PHKA2: variants seen among roughly 807,000 people sequenced by gnomAD.
PHKA2 encodes phosphorylase b kinase regulatory subunit alpha, liver isoform.
PHKA2 carries 31 observed loss-of-function variants against 102.0 expected under a neutral mutation model. The observed-to-expected ratio is 0.30, with a 90% CI of 0.23 to 0.41. The LOEUF (loss-of-function observed/expected upper bound fraction) is 0.41, where lower values mean the gene tolerates loss of function less well. Among genes scored for constraint, PHKA2 ranks in the 10% least tolerant of loss-of-function variants. The pLI is 1.00. For missense variants in PHKA2, 858 were observed against 1,023.1 expected (o/e 0.84, Z 2.20); for synonymous variants, 455 against 416.2 (o/e 1.09, Z -1.13).
At chrX:18,929,647 G>C (rs751848045) in intron 12 of PHKA2, among the ~76,000 whole-genome samples, 5 of 111,534 alleles carry the variant, frequency 4.5e-5, no homozygotes, top group Non-Finnish European at 9.4e-5. Context: ...TATGCCTCCT[G>C]ACAGGTAGGC....
intron 11 of PHKA2, among the ~76,000 whole-genome samples, chrX:18,932,573 A>C (rs1333599315): frequency 1.8e-5 from 2 of 110,249 alleles, no homozygotes; most frequent in Middle Eastern, 4.2e-3. Flanking sequence ...GTAAAATTTA[A>C]AATTTTTTCA....
intron 5 of PHKA2, among the ~76,000 whole-genome samples, chrX:18,948,521 T>C (rs1476940707): frequency 8.9e-6 from 1 of 111,961 alleles, no homozygotes; most frequent in Non-Finnish European, 1.9e-5. Flanking sequence ...ACAAGCATAA[T>C]GGATTCAGAC....
At chrX:18,970,250 A>G (rs2049002467) in intron 1 of PHKA2, among the ~76,000 whole-genome samples, 1 of 112,142 alleles carries the variant, frequency 8.9e-6, no homozygotes, top group South Asian at 3.7e-4. Context: ...AAAAAAGTAT[A>G]TATTTATCAT....
intron 3 of PHKA2, 47 bp from the exon 4 acceptor site, chrX:18,951,319 G>T (rs377595971): frequency 1.2e-4 from 141 of 1,157,904 alleles, no homozygotes; most frequent in Non-Finnish European, 1.6e-4. Flanking sequence ...GGGGTTCATG[G>T]CTGGCAGAGA....
intron 24 of PHKA2, 44 bp from the exon 25 acceptor site, chrX:18,906,668 A>G (rs1213793318): frequency 1.6e-5 from 19 of 1,183,223 alleles, no homozygotes; most frequent in Non-Finnish European, 2.2e-5. Context: ...AGACAGGGTG[A>G]GTGGCTGAAG....
In PHKA2 at chrX:18,907,028, T is replaced by A. The variant is rs2047831341; in HGVS notation, c.2587A>T (p.Ile863Phe). 8.4e-7 allele frequency: 1 copy of A among 1,195,094 alleles called. No homozygotes were observed. ...VGLPPEPREK[I>F]ISAPLPPEEL... ...AGGCTGAGGACTTACGCAGAGATGA[T>A]CTTCTCCCGGGGCTCGGGCGGCAGG... is the stretch of plus-strand genomic sequence containing the variant. Residue 863 changes from isoleucine to phenylalanine, a missense_variant, in exon 23 of 33, where the codon ATC becomes TTC. By Grantham distance (21) the Ile-to-Phe change is conservative (BLOSUM62 0). Coordinates refer to ENST00000379942, the MANE Select transcript of PHKA2 (RefSeq NM_000292.3).
chrX:18,934,749 G>A (rs2048367000), intron 11 of PHKA2, among the ~76,000 whole-genome samples: 1 of 112,460 alleles, frequency 8.9e-6, no homozygotes, highest in African/African-American at 3.2e-5. Flanking sequence ...AAGTAAAGAA[G>A]TCCACTATAC....
intron 26 of PHKA2, among the ~76,000 whole-genome samples, chrX:18,901,938 G>A (rs1181342711): frequency 9.1e-6 from 1 of 109,984 alleles, no homozygotes; most frequent in African/African-American, 3.3e-5. Context: ...CACTTCCTGG[G>A]TTCAAGACAT....
chrX:18,982,775 A>G (rs1458284828), intron 1 of PHKA2, among the ~76,000 whole-genome samples: 3 of 112,093 alleles, frequency 2.7e-5, no homozygotes, highest in Non-Finnish European at 5.6e-5. Context: ...CAGAGGTTTC[A>G]GTGAGCCGAG....
intron 1 of PHKA2, among the ~76,000 whole-genome samples, chrX:18,975,891 T>C (rs748018101): frequency 9.0e-6 from 1 of 110,589 alleles, no homozygotes; most frequent in East Asian, 2.8e-4. Context: ...CAAACATGAT[T>C]TGAATGATAT....
At chrX:18,919,547 A>G (rs1031873359) in intron 18 of PHKA2, among the ~76,000 whole-genome samples, 21 of 109,575 alleles carry the variant, frequency 1.9e-4, no homozygotes, top group African/African-American at 7.0e-4. Flanking sequence ...TCTATAAAAT[A>G]TAAAAGAATT....
chrX:18,923,630 T>G (rs1173008381), intron 17 of PHKA2, among the ~76,000 whole-genome samples: 1 of 112,356 alleles, frequency 8.9e-6, no homozygotes, highest in East Asian at 2.8e-4. Flanking sequence ...CTAAGGAATT[T>G]GCCAAGTCCT....
At chrX:18,947,456 G>A (rs1456507251) in intron 5 of PHKA2, among the ~76,000 whole-genome samples, 9 of 112,239 alleles carry the variant, frequency 8.0e-5, no homozygotes, top group African/African-American at 2.9e-4. Context: ...CTGGGGCTCT[G>A]CCTGGCTCAA....
rs1322485193 is a variant in PHKA2 at position 18,941,622 on chromosome X, A to G, written c.771T>C (p.Ala257=). ...PRASTSKEID[A]GLLSIISFPA... ...GGAAGGAAATAATGGAAAGAAGTCC[A>G]GCATCAATTTCTTTAGATGTCGACG... Residue 257 remains alanine (A), a synonymous_variant, in exon 8 of 33, where the codon GCT becomes GCC. Coordinates refer to ENST00000379942, the MANE Select transcript of PHKA2 (RefSeq NM_000292.3). The G allele has an allele frequency of 7.7e-6, 9 of 1,166,259 alleles. No homozygotes were observed. The highest frequency in any genetic ancestry group is 8.2e-6 in the Non-Finnish European group (7 of 854,224).
chrX:18,957,890 G>C (rs891820149), intron 1 of PHKA2, among the ~76,000 whole-genome samples: 1 of 108,735 alleles, frequency 9.2e-6, no homozygotes, highest in Non-Finnish European at 1.9e-5. Context: ...ATGGAGTTTC[G>C]CTCTTGTCAC....
At chrX:18,895,852 G>C (rs1176165059) in intron 30 of PHKA2, 1 of 116,609 alleles carries the variant, frequency 8.6e-6, no homozygotes, top group Non-Finnish European at 1.8e-5. Context: ...AGCGTCCCCA[G>C]TGGGCTGAGG....
chrX:18,938,653 C>T lies in PHKA2; in HGVS notation c.1015G>A (p.Gly339Arg). 1 of 1,205,809 alleles carries T rather than the reference C, an allele frequency of 8.3e-7. No individual in the cohort carries two copies. Among genetic ancestry groups the T allele is most frequent in the Non-Finnish European group, 1.1e-6 (1 of 889,831 alleles). ...PVFWTYFIID[G>R]VFSGDAVQVQ... is the part of the protein sequence containing the mutation. ...TGAACAGCATCACCACTGAAGACTC[C>T]ATCTATTATAAAATATGTCCAAAAC... The change falls in exon 10 of 33, where the codon GGA becomes AGA. Residue 339 changes from glycine (G) to arginine (R), a missense_variant. By Grantham distance (125) the Gly-to-Arg change is moderately radical. Transcript: ENST00000379942.
At chrX:18,902,497 C>G (rs1315788304) in intron 26 of PHKA2, among the ~76,000 whole-genome samples, 6 of 108,977 alleles carry the variant, frequency 5.5e-5, no homozygotes, top group Non-Finnish European at 9.6e-5. Context: ...CGCGGTGGCT[C>G]ACACCTGTAA....
At chrX:18,964,943 C>A (rs1200450403) in intron 1 of PHKA2, among the ~76,000 whole-genome samples, 3 of 112,235 alleles carry the variant, frequency 2.7e-5, no homozygotes, top group African/African-American at 9.7e-5. Flanking sequence ...TAAATTGCTG[C>A]TTATTCGATT....
Sources: gnomAD v4.1 joint callset for allele counts (sites outside exome capture counted in the v4.1 genomes callset) on GRCh38, gnomAD v4.1.1 for gene constraint, MANE v1.5 for transcripts, NCBI Gene and HGNC (gene_info 2026-07-23, HGNC 2026-07-21) for gene names.